CLDN16: variants seen among roughly 807,000 people sequenced by gnomAD.
CLDN16 encodes the protein claudin-16.
In CLDN16, 13 loss-of-function variants were observed where a neutral mutation model predicts 24.6. The ratio of observed to expected loss-of-function variants is 0.53; its 90% confidence interval spans 0.34 to 0.84. The LOEUF is 0.84. Ranked by LOEUF, CLDN16 falls within the 40% of genes least tolerant of loss-of-function variation. The pLI is 0.01. For missense variants in CLDN16, 298 were observed against 292.7 expected, an observed-to-expected ratio of 1.02 and a Z score of -0.13; for synonymous variants, 116 against 106.7, an observed-to-expected ratio of 1.09 and a Z score of -0.54.
At chr3:190,311,966 T>TG in the CLDN16 span, among the ~76,000 whole-genome samples, 2 of 151,666 alleles carry the variant, frequency 1.3e-5, no homozygotes, top group African/African-American at 4.8e-5. Context: ...TTTTTCTTTT[T>TG]TTTTTAGACA....
chr3:190,358,599 G>T (rs144371060), intron 1 of CLDN16, among the ~76,000 whole-genome samples: 1 of 151,912 alleles, frequency 6.6e-6, no homozygotes, highest in African/African-American at 2.4e-5. Context: ...GGATTTTGCA[G>T]TAAGAGCTGG....
chr3:190,363,589 T>TAC lies in CLDN16; in HGVS notation n.122-7303_122-7302insCA, dbSNP rs1717953346. Reference sequence around the variant, plus strand: ...ATATATATATATATATATATATATATATATATATTTTCTTTCTCCTGTCTG... The same window carrying TAC: ...ATATATATATATATATATATATATATACATATATATTTTCTTTCTCCTGTCTG... On this transcript the variant is annotated intron_variant and non_coding_transcript_variant, in intron 1 of 4. Transcript: ENST00000468220. Among the ~76,000 whole-genome samples the TAC allele has an allele frequency of 4.3e-5, 6 of 138,660 alleles. No homozygotes were observed. The East Asian group carries it at 1.1e-3, about 25-fold the overall frequency. 91.0% of individuals were successfully genotyped at this position (138,660 alleles called of 152,430 possible).
the CLDN16 span, among the ~76,000 whole-genome samples, chr3:190,309,566 G>C: frequency 6.6e-6 from 1 of 152,176 alleles, no homozygotes; most frequent in East Asian, 1.9e-4. Context: ...ATTAAAGAAT[G>C]TTGTTACACG....
chr3:190,335,701 A>T (rs1717288260), intron 1 of CLDN16, among the ~76,000 whole-genome samples: 1 of 105,374 alleles, frequency 9.5e-6, no homozygotes, highest in South Asian at 3.1e-4. Context: ...ACAGAGCAAG[A>T]CTCCATCAAA....
At chr3:190,373,387 A>G (rs1008912785) in intron 2 of CLDN16, among the ~76,000 whole-genome samples, 1 of 151,964 alleles carries the variant, frequency 6.6e-6, no homozygotes, top group Non-Finnish European at 1.5e-5. Context: ...AGTTTCATTA[A>G]TCATACAAGC....
chr3:190,341,767 T>C (rs1475606580), intron 1 of CLDN16, among the ~76,000 whole-genome samples: 1 of 152,206 alleles, frequency 6.6e-6, no homozygotes, highest in Non-Finnish European at 1.5e-5. Flanking sequence ...TGATGCTCTG[T>C]TTCCCTTTTA....
intron 1 of CLDN16, among the ~76,000 whole-genome samples, chr3:190,397,765 A>T (rs560872307): frequency 4.3e-4 from 66 of 152,316 alleles, no homozygotes; most frequent in Middle Eastern, 3.4e-3. Context: ...CTGAGCATTA[A>T]TACCTAATGA....
intron 1 of CLDN16, among the ~76,000 whole-genome samples, chr3:190,326,162 T>C (rs113885521): frequency 0.031 from 4,765 of 152,288 alleles, 113 homozygotes; most frequent in South Asian, 0.081. Flanking sequence ...GTTATGAACA[T>C]TAAACAAGTT....
chr3:190,396,939 G>A (rs1718835209), intron 1 of CLDN16, among the ~76,000 whole-genome samples: 2 of 152,134 alleles, frequency 1.3e-5, no homozygotes, highest in African/African-American at 4.8e-5. Flanking sequence ...GAACCAAGTA[G>A]CCAGCGTTCA....
chr3:190,313,605 G>A, the CLDN16 span, among the ~76,000 whole-genome samples: 1 of 152,144 alleles, frequency 6.6e-6, no homozygotes, highest in Non-Finnish European at 1.5e-5. Context: ...TGAATAGGAG[G>A]AGTGGGGAAG....
intron 1 of CLDN16, among the ~76,000 whole-genome samples, chr3:190,391,608 C>G (rs565108624): frequency 6.6e-6 from 1 of 152,012 alleles, no homozygotes; most frequent in African/African-American, 2.4e-5. Flanking sequence ...GCAGCAGGGG[C>G]CTTTCAGATA....
At chr3:190,291,235 G>C in the CLDN16 span, among the ~76,000 whole-genome samples, 3 of 152,132 alleles carry the variant, frequency 2.0e-5, no homozygotes, top group Non-Finnish European at 4.4e-5. Flanking sequence ...GATGGTATCA[G>C]AGAAACAAAA....
intron 1 of CLDN16, among the ~76,000 whole-genome samples, chr3:190,334,157 G>A (rs1358857623): frequency 2.0e-5 from 3 of 152,140 alleles, no homozygotes; most frequent in African/African-American, 7.2e-5. Flanking sequence ...AAATCTATTT[G>A]AGAAATAACT....
chr3:190,379,073 G>C (rs747039146), intron 3 of CLDN16, among the ~76,000 whole-genome samples: 1 of 152,016 alleles, frequency 6.6e-6, no homozygotes, highest in South Asian at 2.1e-4. Context: ...GCAAAGAAAC[G>C]TACTTGATTT....
chr3:190,404,002 G>A (rs1022607163), intron 2 of CLDN16, among the ~76,000 whole-genome samples: 13 of 152,032 alleles, frequency 8.6e-5, no homozygotes, highest in African/African-American at 1.9e-4. Flanking sequence ...AGCTCACTAC[G>A]TAGAGAAAAC....
chr3:190,299,472 T>C, the CLDN16 span, among the ~76,000 whole-genome samples: 6 of 152,210 alleles, frequency 3.9e-5, no homozygotes, highest in African/African-American at 1.4e-4. Context: ...TTTTTTAAGG[T>C]TTTGTTTTTG....
intron 1 of CLDN16, among the ~76,000 whole-genome samples, chr3:190,399,266 G>A (rs939707192): frequency 3.3e-5 from 5 of 152,166 alleles, no homozygotes; most frequent in Admixed American, 6.5e-5. Context: ...CACTTTGGGA[G>A]GCCGAGGTGG....
chr3:190,372,420 A>G (rs1170048148), intron 2 of CLDN16, among the ~76,000 whole-genome samples: 1 of 151,886 alleles, frequency 6.6e-6, no homozygotes, highest in Non-Finnish European at 1.5e-5. Context: ...ATGCTGTAGT[A>G]TCACTTGAGG....
chr3:190,327,896 T>A (rs1447553339), intron 1 of CLDN16, among the ~76,000 whole-genome samples: 2 of 152,216 alleles, frequency 1.3e-5, no homozygotes, highest in African/African-American at 4.8e-5. Context: ...CTTTAGTGAA[T>A]AAAACAATTT....
Sources: allele counts gnomAD v4.1 joint callset (sites outside exome capture counted in the v4.1 genomes callset), GRCh38; gene constraint gnomAD v4.1.1; transcripts MANE v1.5; gene names NCBI Gene and HGNC (gene_info 2026-07-23, HGNC 2026-07-21).